Variants in EYA4 observed in about 807,000 individuals in gnomAD.
EYA4 encodes the protein protein phosphatase EYA4.
A neutral mutation model predicts 87.9 loss-of-function variants in EYA4; 31 were observed. The observed-to-expected ratio is 0.35, with a 90% CI of 0.27 to 0.48. The LOEUF (loss-of-function observed/expected upper bound fraction) is 0.48. Ranked by LOEUF, EYA4 falls within the 20% of genes least tolerant of loss-of-function variation. The pLI is 0.99. For missense variants in EYA4, 678 were observed against 761.4 expected (o/e 0.89, Z 1.29); for synonymous variants, 263 against 270.6 (o/e 0.97, Z 0.28).
intron 1 of EYA4, among the ~76,000 whole-genome samples, chr6:133,273,715 A>G (rs1776927572): frequency 6.6e-6 from 1 of 152,154 alleles, no homozygotes; most frequent in African/African-American, 2.4e-5. Context: ...TACCATTGCA[A>G]TTTTAAATTA....
At chr6:133,289,593 G>A (rs1778324829) in intron 2 of EYA4, among the ~76,000 whole-genome samples, 1 of 152,116 alleles carries the variant, frequency 6.6e-6, no homozygotes, top group Non-Finnish European at 1.5e-5. Context: ...TATGCCTCTC[G>A]TTATCTTTGG....
intron 2 of EYA4, among the ~76,000 whole-genome samples, chr6:133,378,808 A>G (rs1168893549): frequency 1.3e-5 from 2 of 151,806 alleles, no homozygotes; most frequent in South Asian, 2.1e-4. Flanking sequence ...ACTCTTTTTC[A>G]TGGTGCTTGG....
chr6:133,330,069 G>A (rs1489410954), intron 2 of EYA4, among the ~76,000 whole-genome samples: 1 of 151,992 alleles, frequency 6.6e-6, no homozygotes, highest in African/African-American at 2.4e-5. Context: ...GAAAAGGAAT[G>A]GAAGGTCTCA....
intron 6 of EYA4, 37 bp downstream of exon 6, chr6:133,456,685 G>C (rs754258112): frequency 5.5e-6 from 7 of 1,270,628 alleles, no homozygotes; most frequent in South Asian, 1.2e-5. Flanking sequence ...ACGTACACAT[G>C]GGGGTGCATC....
intron 3 of EYA4, among the ~76,000 whole-genome samples, chr6:133,406,949 T>C (rs1273337259): frequency 6.6e-6 from 1 of 152,200 alleles, no homozygotes; most frequent in Non-Finnish European, 1.5e-5. Context: ...AGCATTTGTT[T>C]TTCTAGAATA....
chr6:133,448,254 G>A lies in EYA4; in HGVS notation c.277+75G>A, dbSNP rs1793060660. The A allele has an allele frequency of 6.6e-6, 7 of 1,063,688 alleles. No individual in the cohort carries two copies. In the South Asian group the frequency reaches 7.5e-5, roughly 11 times the overall value. The allele number at this position is 1,063,688 out of a possible 1,614,324, so 65.9% of individuals were successfully genotyped here. ...CCTCTGGATTGCTGTCTGTTGCTAT[G>A]TCTATGTTTGCATCTCTTTTCTGTG... On this transcript the variant is annotated intron_variant, in intron 5 of 19. Transcript: ENST00000355286.
At chr6:133,340,165 T>C (rs1285705319) in intron 2 of EYA4, among the ~76,000 whole-genome samples, 1 of 152,206 alleles carries the variant, frequency 6.6e-6, no homozygotes, top group Non-Finnish European at 1.5e-5. Flanking sequence ...ATATATAGGC[T>C]TAATGTGTTA....
chr6:133,439,640 G>A (rs894885012), intron 3 of EYA4, among the ~76,000 whole-genome samples: 4 of 152,168 alleles, frequency 2.6e-5, no homozygotes, highest in Non-Finnish European at 5.9e-5. Flanking sequence ...CATGCAGAGC[G>A]TTGCCAATGG....
intron 1 of EYA4, among the ~76,000 whole-genome samples, chr6:133,264,172 C>T (rs1170267960): frequency 6.6e-6 from 1 of 152,124 alleles, no homozygotes; most frequent in African/African-American, 2.4e-5. Flanking sequence ...TGGAACAGGA[C>T]TGAGGGAGAA....
intron 2 of EYA4, among the ~76,000 whole-genome samples, chr6:133,367,731 T>C (rs1784959817): frequency 6.6e-6 from 1 of 152,168 alleles, no homozygotes; most frequent in African/African-American, 2.4e-5. Flanking sequence ...GTACTGGTTT[T>C]TAAGAATATC....
At chr6:133,387,618 A>C (rs1786863884) in intron 3 of EYA4, among the ~76,000 whole-genome samples, 1 of 152,220 alleles carries the variant, frequency 6.6e-6, no homozygotes, top group Non-Finnish European at 1.5e-5. Context: ...ATCACAATGC[A>C]AAGTAATAAT....
At chr6:133,443,389 A>AT (rs1792499154) in intron 3 of EYA4, among the ~76,000 whole-genome samples, 1 of 151,908 alleles carries the variant, frequency 6.6e-6, no homozygotes, top group Non-Finnish European at 1.5e-5. Context: ...AAATTCACTG[A>AT]TTTTGTGTGT....
At chr6:133,334,056 CAG>C (rs1161414680) in intron 2 of EYA4, among the ~76,000 whole-genome samples, 1 of 152,124 alleles carries the variant, frequency 6.6e-6, no homozygotes, top group Non-Finnish European at 1.5e-5. Context: ...ATTAAAAAGA[CAG>C]AGCAGAACAA....
intron 2 of EYA4, among the ~76,000 whole-genome samples, chr6:133,374,808 A>G (rs1246739205): frequency 3.9e-5 from 6 of 152,036 alleles, no homozygotes; most frequent in Non-Finnish European, 5.9e-5. Context: ...TCAGAAATGT[A>G]TACATTTTAC....
At chr6:133,395,246 T>C (rs567384799) in intron 3 of EYA4, among the ~76,000 whole-genome samples, 3 of 151,446 alleles carry the variant, frequency 2.0e-5, no homozygotes, top group African/African-American at 4.8e-5. Context: ...TTTTTTTTTT[T>C]CTCCAATCCA....
At chr6:133,362,187 G>A (rs150201985) in intron 2 of EYA4, among the ~76,000 whole-genome samples, 6 of 152,208 alleles carry the variant, frequency 3.9e-5, no homozygotes, top group African/African-American at 1.4e-4. Context: ...ATCCCCTCCT[G>A]TAGACTATCA....
At chr6:133,339,925 G>A (rs999918972) in intron 2 of EYA4, among the ~76,000 whole-genome samples, 2 of 152,096 alleles carry the variant, frequency 1.3e-5, no homozygotes, top group African/African-American at 4.8e-5. Context: ...CATCAGGGAC[G>A]GTGGCCAAGG....
At chr6:133,426,343 C>T (rs567839444) in intron 3 of EYA4, among the ~76,000 whole-genome samples, 7 of 152,260 alleles carry the variant, frequency 4.6e-5, no homozygotes, top group African/African-American at 9.6e-5. Flanking sequence ...TCAATAAATA[C>T]GAATAAATGA....
At chr6:133,510,818 A>C (rs1055342528) in intron 14 of EYA4, 1 of 154,166 alleles carries the variant, frequency 6.5e-6, no homozygotes, top group Non-Finnish European at 1.4e-5. Flanking sequence ...CTTGTGTTAG[A>C]AAATTTAAAT....
Sources: gnomAD v4.1 joint callset for allele counts (sites outside exome capture counted in the v4.1 genomes callset) on GRCh38, gnomAD v4.1.1 for gene constraint, MANE v1.5 for transcripts, NCBI Gene and HGNC (gene_info 2026-07-23, HGNC 2026-07-21) for gene names.